Variants in PHF20 observed in about 807,000 individuals in gnomAD.
PHF20 encodes the protein glioma-expressed antigen 2.
A neutral mutation model predicts 113.5 loss-of-function variants in PHF20; 23 were observed. The observed-to-expected ratio is 0.20, with a 90% CI of 0.15 to 0.29. PHF20 has a LOEUF of 0.29. PHF20 is among the 10% of genes least tolerant of loss of function. The pLI, the probability that PHF20 is intolerant of heterozygous loss-of-function variation, is 1.00. For synonymous variants in PHF20, 434 were observed against 457.3 expected (o/e 0.95, Z 0.65); for missense variants, 943 against 1,219.6 (o/e 0.77, Z 3.38).
intron 11 of PHF20, 47 bp downstream of exon 11, chr20:35,913,394 TG>T (rs1300177894): frequency 7.6e-7 from 1 of 1,311,610 alleles, no homozygotes; most frequent in Non-Finnish European, 1.1e-6. Context: ...TTACTATGAA[TG>T]GGGAGGGGTT....
chr20:35,943,914 C>T (rs2056038588), intron 17 of PHF20, among the ~76,000 whole-genome samples: 1 of 152,224 alleles, frequency 6.6e-6, no homozygotes. Flanking sequence ...CCACTGCACC[C>T]AGCCTGAACA....
At chr20:35,893,924 C>T (rs1479398951) in intron 9 of PHF20, among the ~76,000 whole-genome samples, 3 of 152,176 alleles carry the variant, frequency 2.0e-5, no homozygotes, top group Non-Finnish European at 4.4e-5. Flanking sequence ...CCAACATGTA[C>T]TGTTATTTAT....
At chr20:35,780,412 A>G (rs1301388397) in intron 1 of PHF20, among the ~76,000 whole-genome samples, 1 of 150,794 alleles carries the variant, frequency 6.6e-6, no homozygotes, top group Non-Finnish European at 1.5e-5. Flanking sequence ...TTTTTAGTAG[A>G]GACAGGGGTT....
At position 35,841,500 on chromosome 20, in the gene PHF20, G is replaced by A. The variant is rs530141226; in HGVS notation, c.84-1073G>A. Reference sequence around the variant, plus strand: ...AACCGCGTAGTATAAGGCTGGGCACGGTGGCTCATGCCTGTAATGCTAGCA... The same window carrying A: ...AACCGCGTAGTATAAGGCTGGGCACAGTGGCTCATGCCTGTAATGCTAGCA... On this transcript the variant is annotated intron_variant, in intron 2 of 17. Transcript: ENST00000374012. Among the ~76,000 whole-genome samples, 363 of 152,172 alleles carry A rather than the reference G, an allele frequency of 2.4e-3. 1 individual carries two copies. The highest frequency in any genetic ancestry group is 5.4e-3 in the African/African-American group (226 of 41,502).
At chr20:35,825,167 C>G (rs1568615603) in intron 2 of PHF20, among the ~76,000 whole-genome samples, 1 of 152,180 alleles carries the variant, frequency 6.6e-6, no homozygotes, top group East Asian at 1.9e-4. Flanking sequence ...ATTTTACACT[C>G]CCACCAGCAA....
intron 15 of PHF20, among the ~76,000 whole-genome samples, chr20:35,937,417 G>T (rs1435618770): frequency 6.6e-6 from 1 of 151,196 alleles, no homozygotes; most frequent in African/African-American, 2.4e-5. Flanking sequence ...GTGGTGAGCC[G>T]AGATCGCACC....
intron 17 of PHF20, among the ~76,000 whole-genome samples, chr20:35,943,192 G>A (rs546071959): frequency 2.6e-5 from 4 of 151,870 alleles, no homozygotes; most frequent in East Asian, 3.9e-4. Context: ...TTAAAAAGCC[G>A]GCCTGCTTAG....
intron 9 of PHF20, among the ~76,000 whole-genome samples, chr20:35,889,257 G>A (rs557496099): frequency 2.0e-5 from 3 of 151,786 alleles, no homozygotes; most frequent in African/African-American, 4.8e-5. Context: ...TTTGTGATTC[G>A]CCCACCTTGT....
At chr20:35,816,044 T>A (rs1005824424) in intron 2 of PHF20, among the ~76,000 whole-genome samples, 4 of 151,470 alleles carry the variant, frequency 2.6e-5, no homozygotes, top group Non-Finnish European at 5.9e-5. Context: ...GCAACCTCCA[T>A]CTCCGGGGTT....
chr20:35,830,102 C>T (rs1479918634), intron 2 of PHF20, among the ~76,000 whole-genome samples: 5 of 151,744 alleles, frequency 3.3e-5, no homozygotes, highest in East Asian at 3.9e-4. Context: ...TTAGTAGAGA[C>T]GGGGTTTCAC....
intron 9 of PHF20, among the ~76,000 whole-genome samples, chr20:35,880,902 G>T (rs987249640): frequency 2.6e-5 from 4 of 152,126 alleles, no homozygotes; most frequent in Admixed American, 1.3e-4. Context: ...GGAGATTGCA[G>T]TGAGCCAAGA....
intron 2 of PHF20, among the ~76,000 whole-genome samples, chr20:35,822,846 TAAA>T (rs780275666): frequency 1.8e-5 from 1 of 55,562 alleles, no homozygotes; most frequent in Non-Finnish European, 3.4e-5. Context: ...ACCCTGCTTC[TAAA>T]AAAAAAAAAA....
chr20:35,799,553 C>T (rs1021919196), intron 1 of PHF20, among the ~76,000 whole-genome samples: 9 of 152,068 alleles, frequency 5.9e-5, no homozygotes, highest in African/African-American at 2.2e-4. Flanking sequence ...TGTTCAAGTG[C>T]CCTTAGAGTT....
chr20:35,821,222 G>A (rs1379802945), intron 2 of PHF20, among the ~76,000 whole-genome samples: 1 of 151,938 alleles, frequency 6.6e-6, no homozygotes, highest in Non-Finnish European at 1.5e-5. Flanking sequence ...GCCGAGGTGG[G>A]TGGATCATTT....
At chr20:35,839,115 G>A (rs776708448) in intron 2 of PHF20, among the ~76,000 whole-genome samples, 1 of 151,936 alleles carries the variant, frequency 6.6e-6, no homozygotes, top group Non-Finnish European at 1.5e-5. Flanking sequence ...TTGAAGCCAG[G>A]AGCAGTGGCT....
chr20:35,808,818 C>T (rs1255904795), intron 2 of PHF20, among the ~76,000 whole-genome samples: 6 of 151,292 alleles, frequency 4.0e-5, no homozygotes, highest in South Asian at 4.2e-4. Flanking sequence ...GTGATCTGCT[C>T]GCCTCGGCCT....
chr20:35,891,993 C>T (rs944044460), intron 9 of PHF20, among the ~76,000 whole-genome samples: 7 of 152,110 alleles, frequency 4.6e-5, no homozygotes, highest in African/African-American at 1.7e-4. Context: ...CCTCAGCCTC[C>T]TGAGAAGCTG....
chr20:35,879,434 T>G (rs941754063), intron 9 of PHF20, among the ~76,000 whole-genome samples: 5 of 152,216 alleles, frequency 3.3e-5, no homozygotes, highest in African/African-American at 1.2e-4. Context: ...AATAGAAATA[T>G]GTATTTTAAG....
intron 2 of PHF20, among the ~76,000 whole-genome samples, chr20:35,808,825 G>T (rs1386221137): frequency 1.3e-5 from 2 of 151,572 alleles, no homozygotes; most frequent in Non-Finnish European, 2.9e-5. Flanking sequence ...GCTCGCCTCG[G>T]CCTCCCAACG....
Sources: gnomAD v4.1 joint callset for allele counts (sites outside exome capture counted in the v4.1 genomes callset) on GRCh38, gnomAD v4.1.1 for gene constraint, MANE v1.5 for transcripts, NCBI Gene and HGNC (gene_info 2026-07-23, HGNC 2026-07-21) for gene names.